Variants in C19orf38 observed in about 807,000 individuals in gnomAD.
C19orf38 encodes the protein chromosome 19 open reading frame 38.
In C19orf38, 14 loss-of-function variants were observed where a neutral mutation model predicts 26.6. The ratio of observed to expected loss-of-function variants is 0.53; its 90% CI spans 0.35 to 0.82. C19orf38 has a LOEUF of 0.82. Ranked by LOEUF, C19orf38 falls within the 40% of genes least tolerant of loss-of-function variation. The pLI, the probability that C19orf38 is intolerant of heterozygous loss-of-function variation, is 0.01. For synonymous variants in C19orf38, 132 were observed against 128.5 expected (o/e 1.03, Z -0.18); for missense variants, 261 against 299.5 (o/e 0.87, Z 0.95).
intron 6 of C19orf38, among the ~76,000 whole-genome samples, chr19:10,868,158 G>A (rs183443186): frequency 7.2e-5 from 11 of 152,238 alleles, no homozygotes; most frequent in Non-Finnish European, 1.5e-4. Context: ...CTGCTTTGTC[G>A]TTGGCTGAAA....
intron 4 of C19orf38, 113 bp downstream of exon 4, chr19:10,858,456 G>T: frequency 9.6e-7 from 1 of 1,037,474 alleles, no homozygotes; most frequent in South Asian, 1.5e-5. Flanking sequence ...TGGGCATGCT[G>T]CGTAATAGGA....
At chr19:10,857,648 C>T (rs527247921) in intron 3 of C19orf38, among the ~76,000 whole-genome samples, 5 of 151,342 alleles carry the variant, frequency 3.3e-5, no homozygotes, top group South Asian at 2.1e-4. Flanking sequence ...TTTGGGAGGC[C>T]GAGGTGGGCA....
At chr19:10,837,610 C>T (rs2073445691) in intron 1 of C19orf38, among the ~76,000 whole-genome samples, 1 of 145,840 alleles carries the variant, frequency 6.9e-6, no homozygotes, top group Non-Finnish European at 1.5e-5. Flanking sequence ...GGGGTTCCAG[C>T]GATCCTCCTG....
chr19:10,837,136 G>A (rs935196236), intron 1 of C19orf38, among the ~76,000 whole-genome samples: 1 of 152,214 alleles, frequency 6.6e-6, no homozygotes, highest in Non-Finnish European at 1.5e-5. Flanking sequence ...TTTAGGATAC[G>A]TGAAATGCTT....
At chr19:10,836,955 G>C (rs559003633) in intron 1 of C19orf38, among the ~76,000 whole-genome samples, 2 of 152,144 alleles carry the variant, frequency 1.3e-5, no homozygotes, top group African/African-American at 4.8e-5. Context: ...CAGTAGCCTC[G>C]GGTCAGAAAA....
At chr19:10,856,740 G>A (rs1363342135) in intron 3 of C19orf38, among the ~76,000 whole-genome samples, 2 of 151,876 alleles carry the variant, frequency 1.3e-5, no homozygotes, top group Non-Finnish European at 2.9e-5. Flanking sequence ...CTGACCTCAG[G>A]TGATCCGCCC....
chr19:10,837,527 GAC>G (rs2073444754), intron 1 of C19orf38, among the ~76,000 whole-genome samples: 1 of 61,926 alleles, frequency 1.6e-5, no homozygotes, highest in East Asian at 5.4e-4. Context: ...TTTTTTTTGA[GAC>G]AGAGTCTCCC....
intron 1 of C19orf38, among the ~76,000 whole-genome samples, chr19:10,837,700 G>T (rs1000966057): frequency 1.1e-4 from 16 of 151,244 alleles, no homozygotes; most frequent in Non-Finnish European, 2.2e-4. Flanking sequence ...GTAGAGAGGG[G>T]GTTTCACCAT....
chr19:10,848,463 G>C lies in C19orf38; in HGVS notation c.-46G>C, dbSNP rs777610978. On this transcript the variant is annotated 5_prime_UTR_variant, in exon 1 of 7. Coordinates refer to ENST00000397820, the MANE Select transcript of C19orf38 (RefSeq NM_001136482.3). ...CAGGAGGAGTTGGCGGGGAGCCTTGGGCCCCTCTGGCCTCAGCCGGATTTC... is the reference window on the plus strand; with the variant it reads ...CAGGAGGAGTTGGCGGGGAGCCTTGCGCCCCTCTGGCCTCAGCCGGATTTC... The C allele has an allele frequency of 5.2e-6, 8 of 1,549,806 alleles. No homozygotes were observed. The highest frequency in any genetic ancestry group is 6.1e-6 in the Non-Finnish European group (7 of 1,145,514).
intron 5 of C19orf38, among the ~76,000 whole-genome samples, chr19:10,862,376 T>A (rs969317320): frequency 2.0e-5 from 3 of 151,970 alleles, no homozygotes; most frequent in Non-Finnish European, 4.4e-5. Flanking sequence ...AGCTACTTTT[T>A]AAATTTTTTT....
rs903735327 is a variant in C19orf38, at chr19:10,850,382, A to T, written c.155A>T (p.Tyr52Phe). ...GNFPGANFTL[Y>F]RGGQVVQLLQ... is the part of the protein sequence containing the mutation. ...TTCCCGGGGGCGAATTTCACACTGT[A>T]TCGAGGGGGGCAGGTGGTCCAGCTC... The change falls in exon 2 of 7, where the codon TAT becomes TTT. Residue 52 changes from tyrosine to phenylalanine, a missense_variant. Coordinates refer to ENST00000397820, the MANE Select transcript of C19orf38 (RefSeq NM_001136482.3). 1.2e-5 allele frequency: 19 copies of T among 1,550,878 alleles called. No individual in the cohort carries two copies. The African/African-American group carries it at 1.8e-4, about 15-fold the overall frequency.
At chr19:10,844,584 A>C (rs941648650), upstream of C19orf38, among the ~76,000 whole-genome samples, 1 of 151,744 alleles carries the variant, frequency 6.6e-6, no homozygotes, top group African/African-American at 2.4e-5. Flanking sequence ...GCAGTGGCTC[A>C]CGCCTGTAAT....
At chr19:10,860,458 C>T (rs1053058172) in intron 5 of C19orf38, among the ~76,000 whole-genome samples, 4 of 138,766 alleles carry the variant, frequency 2.9e-5, no homozygotes, top group Non-Finnish European at 6.1e-5. Context: ...TCATGTGAAC[C>T]TGGGAGGCGG....
chr19:10,855,030 CTTTTTTTTTTTTT>C (rs33999724), intron 2 of C19orf38, among the ~76,000 whole-genome samples: 11 of 77,762 alleles, frequency 1.4e-4, no homozygotes, highest in African/African-American at 4.9e-4. Flanking sequence ...GATATATATT[CTTTTTTTTTTTTT>C]TTTTTTTTTT....
At chr19:10,844,636 A>T (rs552546689), upstream of C19orf38, among the ~76,000 whole-genome samples, 150 of 151,012 alleles carry the variant, frequency 9.9e-4, no homozygotes, top group African/African-American at 3.3e-3. Context: ...TCACAAGGTC[A>T]GGTGATCAAG....
chr19:10,856,233 C>T (rs1222213105), intron 2 of C19orf38, 32 bp from the exon 3 acceptor site: 3 of 1,518,306 alleles, frequency 2.0e-6, no homozygotes, highest in Non-Finnish European at 2.7e-6. Flanking sequence ...ACGACACTGA[C>T]CTGCCCACTC....
intron 6 of C19orf38, among the ~76,000 whole-genome samples, chr19:10,865,050 G>A (rs534836762): frequency 2.4e-4 from 36 of 152,312 alleles, no homozygotes; most frequent in African/African-American, 8.7e-4. Context: ...AGAAAAACCC[G>A]GCAGGCAGGG....
At position 10,869,552 on chromosome 19, in the gene C19orf38, A is replaced by C; in HGVS notation, c.*185A>C. ...GAGGGGACACAGGCATGGGCCTGGC[A>C]CTATACAGACAACAGGAAGTTCCCC... On this transcript the variant is annotated 3_prime_UTR_variant, in exon 7 of 7. Coordinates refer to ENST00000397820, the MANE Select transcript of C19orf38 (RefSeq NM_001136482.3). 1 of 832,546 alleles carries C rather than the reference A, an allele frequency of 1.2e-6. No individual in the cohort carries two copies. The highest frequency in any genetic ancestry group is 1.8e-6 in the Non-Finnish European group (1 of 559,750). The allele number at this position is 832,546 out of a possible 1,614,324, so 51.6% of individuals were successfully genotyped here.
At chr19:10,842,136 C>G (rs1180510259) in intron 1 of C19orf38, 4 of 1,581,844 alleles carry the variant, frequency 2.5e-6, no homozygotes, top group Non-Finnish European at 3.5e-6. Flanking sequence ...CTCATTCACT[C>G]AGGCCCAGAT....
Sources: gnomAD v4.1 joint callset for allele counts (sites outside exome capture counted in the v4.1 genomes callset) on GRCh38, gnomAD v4.1.1 for gene constraint, MANE v1.5 for transcripts, NCBI Gene and HGNC (gene_info 2026-07-23, HGNC 2026-07-21) for gene names.